PDE1C: variants seen among roughly 807,000 people sequenced by gnomAD.
The protein encoded by PDE1C is dual specificity calcium/calmodulin-dependent 3',5'-cyclic nucleotide phosphodiesterase 1C.
Under a neutral mutation model 93.1 loss-of-function variants are expected in PDE1C, and 62 were observed. The ratio of observed to expected loss-of-function variants is 0.67; its 90% CI spans 0.54 to 0.82. The LOEUF is 0.82. PDE1C is among the 40% of genes least tolerant of loss of function. The probability of loss-of-function intolerance (pLI) is 0.00; values close to 1 mark genes in which losing one functional copy is unlikely to be tolerated. For synonymous variants in PDE1C, 325 were observed against 310.1 expected (o/e 1.05, Z -0.50); for missense variants, 742 against 884.6 (o/e 0.84, Z 2.04).
intron 3 of PDE1C, among the ~76,000 whole-genome samples, chr7:32,123,556 CAAAT>C (rs1799413378): frequency 6.6e-6 from 1 of 152,100 alleles, no homozygotes; most frequent in Non-Finnish European, 1.5e-5. Context: ...TAAACATATG[CAAAT>C]AAATAAACTT....
the PDE1C span, among the ~76,000 whole-genome samples, chr7:31,654,793 G>A: frequency 1.3e-5 from 2 of 152,272 alleles, no homozygotes; most frequent in East Asian, 3.9e-4. Flanking sequence ...GATGGTCAAA[G>A]GAGAGGTCAC....
chr7:31,698,181 A>G, the PDE1C span, among the ~76,000 whole-genome samples: 2 of 152,180 alleles, frequency 1.3e-5, no homozygotes, highest in African/African-American at 2.4e-5. Flanking sequence ...ATAAAACTAT[A>G]TTTCCCCACT....
intron 1 of PDE1C, among the ~76,000 whole-genome samples, chr7:32,388,250 G>C (rs1784678359): frequency 6.6e-6 from 1 of 152,142 alleles, no homozygotes; most frequent in African/African-American, 2.4e-5. Context: ...ACATAGCTGA[G>C]CTGGCATGAG....
At chr7:31,847,128 C>T (rs930650577) in intron 9 of PDE1C, among the ~76,000 whole-genome samples, 9 of 152,130 alleles carry the variant, frequency 5.9e-5, no homozygotes, top group African/African-American at 1.7e-4. Context: ...TTTATAGCTA[C>T]GATGATTTAT....
intron 9 of PDE1C, among the ~76,000 whole-genome samples, chr7:31,847,624 T>G (rs1792798049): frequency 1.3e-5 from 2 of 152,192 alleles, no homozygotes; most frequent in Admixed American, 1.3e-4. Flanking sequence ...CTTTCTTCTT[T>G]GAGAATTTTT....
At chr7:31,696,939 C>T in the PDE1C span, 1 of 1,610,114 alleles carries the variant, frequency 6.2e-7, no homozygotes, top group Non-Finnish European at 8.5e-7. Flanking sequence ...GATCCTGTTT[C>T]TCTCTGTGTT....
chr7:32,048,974 A>G (rs1333800937), intron 2 of PDE1C, among the ~76,000 whole-genome samples: 1 of 152,180 alleles, frequency 6.6e-6, no homozygotes, highest in Non-Finnish European at 1.5e-5. Context: ...TGTAATTTGA[A>G]CCTTGACAGG....
In PDE1C at chr7:32,080,090, C is replaced by T. The variant is rs185181095; in HGVS notation, c.308+89695G>A. ...GCAAAGATTATTAAGCAGGGAGAAG[C>T]TTGAGGAGTTGAAGGGCTTATAAGG... On this transcript the variant is annotated intron_variant, in intron 3 of 18. Coordinates refer to the PDE1C transcript ENST00000396193. Among the ~76,000 whole-genome samples the T allele has an allele frequency of 4.8e-4, 73 of 152,226 alleles. 1 individual carries two copies. Among genetic ancestry groups the T allele is most frequent in the African/African-American group, 1.7e-3 (69 of 41,556 alleles).
intron 1 of PDE1C, among the ~76,000 whole-genome samples, chr7:32,211,196 C>G (rs575520811): frequency 6.6e-6 from 1 of 151,970 alleles, no homozygotes; most frequent in Non-Finnish European, 1.5e-5. Flanking sequence ...GAGACAAAAG[C>G]GAAACTCTAT....
rs1793235506 is a variant in PDE1C, at chr7:31,850,802, T to C, written c.751-61A>G. 3.3e-6 allele frequency: 4 copies of C among 1,208,912 alleles called. No homozygotes were observed. The Admixed American group carries it at 5.1e-5, about 15-fold the overall frequency. 74.9% of individuals were successfully genotyped at this position (1,208,912 alleles called of 1,614,324 possible). A position where few individuals can be genotyped will look rare whatever the true frequency, so the allele number is the denominator to read the frequency against. On this transcript the variant is annotated intron_variant, in intron 7 of 17. Transcript: ENST00000396191. ...TTCTTTCTCAAAGTCTTCAGCTTGC[T>C]GACAACACACCCACAGTGCTGCCTT...
At chr7:31,754,415 C>T (rs373187655) in intron 17 of PDE1C, among the ~76,000 whole-genome samples, 3 of 152,166 alleles carry the variant, frequency 2.0e-5, no homozygotes, top group African/African-American at 4.8e-5. Context: ...AAATGTATGT[C>T]CACATAAAAA....
intron 2 of PDE1C, among the ~76,000 whole-genome samples, chr7:32,206,148 A>C (rs1461852388): frequency 1.3e-5 from 2 of 152,062 alleles, no homozygotes; most frequent in African/African-American, 4.8e-5. Flanking sequence ...TGACCCCCAG[A>C]GCTTACATGG....
chr7:31,771,272 G>A (rs1795472341), intron 17 of PDE1C, among the ~76,000 whole-genome samples: 1 of 152,146 alleles, frequency 6.6e-6, no homozygotes, highest in Non-Finnish European at 1.5e-5. Context: ...GCACTTCCCT[G>A]CTTCTTGACT....
chr7:32,078,046 T>A, intron 3 of PDE1C: 1 of 985,166 alleles, frequency 1.0e-6, no homozygotes. Context: ...TTAACTTGGC[T>A]GTACTAATGA....
At chr7:32,249,534 T>C (rs1809208999) in intron 1 of PDE1C, among the ~76,000 whole-genome samples, 1 of 152,156 alleles carries the variant, frequency 6.6e-6, no homozygotes, top group African/African-American at 2.4e-5. Flanking sequence ...TTCATGCCTG[T>C]AGCAAGAGGA....
At chr7:32,246,890 T>C (rs531594995) in intron 1 of PDE1C, among the ~76,000 whole-genome samples, 1 of 152,398 alleles carries the variant, frequency 6.6e-6, no homozygotes, top group African/African-American at 2.4e-5. Context: ...TTGAATTAAA[T>C]GTATTGAGTG....
the PDE1C span, among the ~76,000 whole-genome samples, chr7:31,679,138 A>G: frequency 2.0e-5 from 3 of 152,110 alleles, no homozygotes; most frequent in African/African-American, 4.8e-5. Flanking sequence ...ACCAGAATGC[A>G]CTCCTGGGCT....
At chr7:31,699,641 G>GT in the PDE1C span, among the ~76,000 whole-genome samples, 239 of 147,742 alleles carry the variant, frequency 1.6e-3, 1 homozygote, top group East Asian at 4.0e-3. Flanking sequence ...GATATTGGTG[G>GT]TTTTTTTTTT....
chr7:31,777,248 G>A (rs554254136), intron 16 of PDE1C, among the ~76,000 whole-genome samples: 3 of 152,110 alleles, frequency 2.0e-5, no homozygotes, highest in Admixed American at 6.5e-5. Flanking sequence ...GTGGGAGAGC[G>A]GTAAGCTTTC....
Sources: gnomAD v4.1 joint callset for allele counts (sites outside exome capture counted in the v4.1 genomes callset) on GRCh38, gnomAD v4.1.1 for gene constraint, MANE v1.5 for transcripts, NCBI Gene and HGNC (gene_info 2026-07-23, HGNC 2026-07-21) for gene names.